NKAIN2: variants seen among roughly 807,000 people sequenced by gnomAD.
NKAIN2 encodes the protein sodium/potassium transporting ATPase interacting 2.
NKAIN2 carries 14 observed loss-of-function variants against 32.6 expected under a neutral mutation model. The ratio of observed to expected loss-of-function variants is 0.43; its 90% CI spans 0.28 to 0.67. The LOEUF is 0.67. Ranked by LOEUF, NKAIN2 falls within the 30% of genes least tolerant of loss-of-function variation. The probability of loss-of-function intolerance (pLI) is 0.17; values close to 1 mark genes in which losing one functional copy is unlikely to be tolerated. For synonymous variants in NKAIN2, 80 were observed against 87.2 expected, an observed-to-expected ratio of 0.92 and a Z score of 0.46; for missense variants, 198 against 258.3, an observed-to-expected ratio of 0.77 and a Z score of 1.60.
At chr6:124,271,028 C>T (rs1794738761) in intron 1 of NKAIN2, among the ~76,000 whole-genome samples, 1 of 152,110 alleles carries the variant, frequency 6.6e-6, no homozygotes, top group African/African-American at 2.4e-5. Context: ...GGAGTGGTTT[C>T]CCCCATGTTG....
At position 123,858,695 on chromosome 6, in the gene NKAIN2, G is replaced by A. The variant is rs557186149; in HGVS notation, c.54+54441G>A. Among the ~76,000 whole-genome samples the A allele has an allele frequency of 3.9e-5, 6 of 152,064 alleles. No individual in the cohort carries two copies. The South Asian group carries it at 1.0e-3, about 26-fold the overall frequency. On this transcript the variant is annotated intron_variant, in intron 1 of 6. Transcript: ENST00000368417. ...GTGGATCAGAATCACAGCCATATTGGGCCACCATCAAAATCAGAGTCATAT... is the reference window on the plus strand; with the variant it reads ...GTGGATCAGAATCACAGCCATATTGAGCCACCATCAAAATCAGAGTCATAT...
intron 4 of NKAIN2, among the ~76,000 whole-genome samples, chr6:124,789,747 T>G (rs1047083779): frequency 6.6e-6 from 1 of 152,082 alleles, no homozygotes; most frequent in African/African-American, 2.4e-5. Context: ...CCTTGATGAC[T>G]CTATTATATA....
chr6:124,380,421 G>A (rs1405157026), intron 3 of NKAIN2, among the ~76,000 whole-genome samples: 1 of 152,164 alleles, frequency 6.6e-6, no homozygotes, highest in Non-Finnish European at 1.5e-5. Flanking sequence ...CTCACCAGTG[G>A]AATACTAGCA....
intron 4 of NKAIN2, among the ~76,000 whole-genome samples, chr6:124,746,636 A>C (rs1433620386): frequency 1.3e-5 from 2 of 151,936 alleles, no homozygotes; most frequent in Non-Finnish European, 2.9e-5. Context: ...AAGAATGTTT[A>C]TCTCTGAATT....
rs142837066 is a variant in NKAIN2, at chr6:123,905,006, C to G, written c.54+100752C>G. Among the ~76,000 whole-genome samples the G allele has an allele frequency of 5.0e-3, 756 of 152,130 alleles. 5 individuals are homozygous for G. Among genetic ancestry groups the G allele is most frequent in the African/African-American group, 0.017 (720 of 41,478 alleles). ...GGTGAATAATTACACACTGAAGAGG[C>G]TAATTGCTATTCTATAATATTTTGA... On this transcript the variant is annotated intron_variant, in intron 1 of 6. Transcript: ENST00000368417.
chr6:124,091,878 A>G (rs544195390), intron 1 of NKAIN2, among the ~76,000 whole-genome samples: 58 of 152,086 alleles, frequency 3.8e-4, no homozygotes, highest in African/African-American at 1.4e-3. Flanking sequence ...TCATATGCAG[A>G]TCTTCACTTA....
Position 124,095,827 on chromosome 6 carries a change from AG to A in NKAIN2, c.55-187177del, listed in dbSNP as rs1455951622. Among the ~76,000 whole-genome samples, 9 of 152,290 alleles carry A rather than the reference AG, an allele frequency of 5.9e-5. No individual in the cohort carries two copies. In the South Asian group the frequency reaches 1.7e-3, roughly 28 times the overall value. ...AACATCAAGCTTACCTATTCCCCTG[AG>A]TACTTTTAAAAGTACTGTTATAACA... On this transcript the variant is annotated intron_variant, in intron 1 of 6. Coordinates refer to ENST00000368417, the MANE Select transcript of NKAIN2 (RefSeq NM_001040214.3).
At chr6:124,345,192 C>T (rs1562502545) in intron 2 of NKAIN2, among the ~76,000 whole-genome samples, 1 of 152,126 alleles carries the variant, frequency 6.6e-6, no homozygotes, top group Non-Finnish European at 1.5e-5. Flanking sequence ...TCCACTTGAT[C>T]TTGGTGGACA....
At chr6:124,671,591 G>A (rs1480507453) in intron 4 of NKAIN2, among the ~76,000 whole-genome samples, 3 of 151,972 alleles carry the variant, frequency 2.0e-5, no homozygotes, top group African/African-American at 7.2e-5. Flanking sequence ...TACTCTGAAA[G>A]CTGAACCTTC....
rs1363888373 is a variant in NKAIN2, at chr6:123,804,125, G to A, written c.-76G>A. Reference sequence around the variant, plus strand: ...GGCAGGTTTGCGTGTCCTTCCCCGCGATCTGATTGGATAAAGTGGGGGCTC... The same window carrying A: ...GGCAGGTTTGCGTGTCCTTCCCCGCAATCTGATTGGATAAAGTGGGGGCTC... On this transcript the variant is annotated 5_prime_UTR_variant, in exon 1 of 7. Transcript: ENST00000368417. 2 of 1,370,404 alleles carry A rather than the reference G, an allele frequency of 1.5e-6. No homozygotes were observed. The highest frequency in any genetic ancestry group is 2.1e-6 in the Non-Finnish European group (2 of 958,294). 84.9% of individuals were successfully genotyped at this position (1,370,404 alleles called of 1,614,324 possible).
At chr6:123,846,163 T>C (rs933214092) in intron 1 of NKAIN2, among the ~76,000 whole-genome samples, 3 of 152,236 alleles carry the variant, frequency 2.0e-5, no homozygotes, top group African/African-American at 7.2e-5. Context: ...AGTGTGTATA[T>C]GCTGAGTCGT....
chr6:124,628,646 A>G (rs1001983199), intron 3 of NKAIN2, among the ~76,000 whole-genome samples: 2 of 151,974 alleles, frequency 1.3e-5, no homozygotes, highest in Non-Finnish European at 2.9e-5. Flanking sequence ...AATTAGTAAT[A>G]AACAGATATT....
At chr6:123,953,998 C>T (rs903426713) in intron 1 of NKAIN2, among the ~76,000 whole-genome samples, 1 of 152,204 alleles carries the variant, frequency 6.6e-6, no homozygotes, top group African/African-American at 2.4e-5. Context: ...CTTGAATATG[C>T]ATAACAGCTT....
At chr6:124,482,861 G>A (rs930084898) in intron 3 of NKAIN2, among the ~76,000 whole-genome samples, 14 of 152,278 alleles carry the variant, frequency 9.2e-5, no homozygotes, top group South Asian at 2.1e-4. Flanking sequence ...GTGGCTGGGC[G>A]CGGTGGCTCA....
intron 2 of NKAIN2, among the ~76,000 whole-genome samples, chr6:124,310,523 C>T (rs980658350): frequency 1.3e-5 from 2 of 151,890 alleles, no homozygotes; most frequent in African/African-American, 2.4e-5. Context: ...AAATGTACCT[C>T]CCTGGGTTGT....
intron 1 of NKAIN2, among the ~76,000 whole-genome samples, chr6:124,140,075 A>G (rs1787059174): frequency 1.3e-5 from 2 of 152,190 alleles, no homozygotes; most frequent in South Asian, 4.1e-4. Context: ...TTCATAAGGA[A>G]ACTGGCAGTA....
At chr6:123,945,752 T>C (rs1314885346) in intron 1 of NKAIN2, among the ~76,000 whole-genome samples, 1 of 152,160 alleles carries the variant, frequency 6.6e-6, no homozygotes, top group Non-Finnish European at 1.5e-5. Context: ...TACATAACAA[T>C]TGGATTTCTG....
intron 1 of NKAIN2, among the ~76,000 whole-genome samples, chr6:123,870,639 G>A (rs1214818938): frequency 1.3e-5 from 2 of 152,038 alleles, no homozygotes; most frequent in Non-Finnish European, 2.9e-5. Context: ...ATAAATGTTA[G>A]GTATTATATT....
chr6:124,255,384 A>G (rs545907785), intron 1 of NKAIN2, among the ~76,000 whole-genome samples: 37 of 152,332 alleles, frequency 2.4e-4, no homozygotes, highest in African/African-American at 8.4e-4. Context: ...CTAATTTCAA[A>G]CATTTCTTTG....
Sources: gnomAD v4.1 joint callset for allele counts (sites outside exome capture counted in the v4.1 genomes callset) on GRCh38, gnomAD v4.1.1 for gene constraint, MANE v1.5 for transcripts, NCBI Gene and HGNC (gene_info 2026-07-23, HGNC 2026-07-21) for gene names.